BMPR1B: variants seen among roughly 807,000 people sequenced by gnomAD.
BMPR1B encodes the protein bone morphogenetic protein receptor type-1B.
BMPR1B carries 12 observed loss-of-function variants against 59.1 expected under a neutral mutation model. The ratio of observed to expected loss-of-function variants is 0.20; its 90% CI spans 0.13 to 0.33. The LOEUF is 0.33. BMPR1B is among the 10% of genes least tolerant of loss of function. BMPR1B has a pLI of 1.00. For missense variants in BMPR1B, 550 were observed against 610.9 expected, an observed-to-expected ratio of 0.90 and a Z score of 1.05; for synonymous variants, 237 against 207.3, an observed-to-expected ratio of 1.14 and a Z score of -1.23.
At position 95,125,029 on chromosome 4, in the gene BMPR1B, C is replaced by A; in HGVS notation, c.493C>A (p.Gln165Lys). 6.2e-7 allele frequency: 1 copy of A among 1,613,608 alleles called. No individual in the cohort carries two copies. Among genetic ancestry groups the A allele is most frequent in the Non-Finnish European group, 8.5e-7 (1 of 1,179,598 alleles). ...TRPRYSIGLE[Q>K]DETYIPPGES... The stretch of plus-strand genomic sequence containing the variant: ...ACCTCGATACAGCATTGGGTTAGAA[C>A]AGGATGAAACTTACATTCCTCCTGG... The change falls in exon 8 of 13, where the codon CAG (glutamine) becomes AAG (lysine). Residue 165 changes from glutamine (Q) to lysine (K), a missense_variant. Gln to Lys is a moderately conservative substitution (Grantham distance 53). This residue lies in a region of BMPR1B where 318 missense variants were observed against 284.6 expected (regional missense o/e 1.12). Coordinates refer to ENST00000515059, the MANE Select transcript of BMPR1B (RefSeq NM_001203.3).
At chr4:94,897,809 G>A (rs1001581117) in intron 2 of BMPR1B, among the ~76,000 whole-genome samples, 2 of 151,740 alleles carry the variant, frequency 1.3e-5, no homozygotes, top group African/African-American at 4.8e-5. Context: ...TGTTATGAGA[G>A]GAACATCTTA....
rs1287396190 is a variant in BMPR1B at position 95,154,886 on chromosome 4, G to T, written c.*213G>T. Reference sequence around the variant, plus strand: ...ATTGATCCATGTCTGTTTGTAGGACGGAGAAACCGCTTGGGTAACTTGTTC... The same window carrying T: ...ATTGATCCATGTCTGTTTGTAGGACTGAGAAACCGCTTGGGTAACTTGTTC... On this transcript the variant is annotated 3_prime_UTR_variant, in exon 13 of 13. Transcript: ENST00000515059. 4 of 596,592 alleles carry T rather than the reference G, an allele frequency of 6.7e-6. No individual in the cohort carries two copies. The highest frequency in any genetic ancestry group is 1.9e-5 in the African/African-American group (1 of 53,592). 37.0% of individuals were successfully genotyped at this position (596,592 alleles called of 1,614,324 possible).
intron 4 of BMPR1B, 51 bp from the exon 5 acceptor site, chr4:95,114,669 C>A: frequency 7.0e-7 from 1 of 1,438,044 alleles, no homozygotes; most frequent in Non-Finnish European, 9.8e-7. Flanking sequence ...CACACACACA[C>A]TGACTCACAC....
At chr4:94,971,923 G>C (rs532616364) in intron 2 of BMPR1B, among the ~76,000 whole-genome samples, 1 of 151,816 alleles carries the variant, frequency 6.6e-6, no homozygotes, top group East Asian at 1.9e-4. Flanking sequence ...TAAAAGTAAT[G>C]ATGAGCCTCT....
At chr4:95,075,455 T>G (rs1728632871) in intron 3 of BMPR1B, among the ~76,000 whole-genome samples, 1 of 152,212 alleles carries the variant, frequency 6.6e-6, no homozygotes, top group African/African-American at 2.4e-5. Flanking sequence ...GTATTAGTAG[T>G]ATGATGCTAA....
intron 3 of BMPR1B, among the ~76,000 whole-genome samples, chr4:95,000,690 G>A (rs1057165700): frequency 3.3e-5 from 5 of 152,042 alleles, no homozygotes; most frequent in Admixed American, 1.3e-4. Flanking sequence ...GTTCCTGTTA[G>A]CCAGTGAGGA....
At chr4:94,951,500 C>G (rs557966285) in intron 2 of BMPR1B, among the ~76,000 whole-genome samples, 1 of 152,056 alleles carries the variant, frequency 6.6e-6, no homozygotes, top group East Asian at 1.9e-4. Context: ...TGAATTTAAT[C>G]GAAGGCCTTT....
At chr4:94,993,371 C>T (rs1721866014) in intron 2 of BMPR1B, among the ~76,000 whole-genome samples, 2 of 152,068 alleles carry the variant, frequency 1.3e-5, no homozygotes, top group South Asian at 4.2e-4. Flanking sequence ...AAAAGCACAC[C>T]CTTATCCATC....
chr4:94,975,275 G>A (rs985963992), intron 2 of BMPR1B, among the ~76,000 whole-genome samples: 20 of 151,410 alleles, frequency 1.3e-4, no homozygotes, highest in African/African-American at 4.6e-4. Flanking sequence ...AGAGATTGAG[G>A]TTTTTGTCTG....
intron 7 of BMPR1B, among the ~76,000 whole-genome samples, chr4:95,124,124 C>T (rs1732733328): frequency 6.6e-6 from 1 of 151,906 alleles, no homozygotes; most frequent in Admixed American, 6.6e-5. Flanking sequence ...TCAAAACTAC[C>T]CATATAAATA....
At chr4:94,796,391 A>G (rs761113802) in intron 1 of BMPR1B, among the ~76,000 whole-genome samples, 1 of 152,224 alleles carries the variant, frequency 6.6e-6, no homozygotes, top group African/African-American at 2.4e-5. Context: ...TTGTAAAATC[A>G]CAGAGTTGTG....
intron 1 of BMPR1B, among the ~76,000 whole-genome samples, chr4:94,794,974 A>G (rs1351933800): frequency 1.4e-5 from 2 of 146,928 alleles, no homozygotes; most frequent in African/African-American, 2.6e-5. Flanking sequence ...AAGAGGGACA[A>G]TTTGACTTCC....
intron 3 of BMPR1B, among the ~76,000 whole-genome samples, chr4:95,059,400 T>C (rs1314982004): frequency 6.6e-6 from 1 of 152,266 alleles, no homozygotes; most frequent in East Asian, 1.9e-4. Context: ...CTTAATTTCC[T>C]GTGCCCCGAG....
chr4:94,831,404 T>A (rs1724584668), intron 1 of BMPR1B, among the ~76,000 whole-genome samples: 1 of 152,106 alleles, frequency 6.6e-6, no homozygotes, highest in Non-Finnish European at 1.5e-5. Flanking sequence ...TAAGGTTAAT[T>A]ATTAAAGAAA....
At position 95,125,025 on chromosome 4, in the gene BMPR1B, A is replaced by G. The variant is rs1732802523; in HGVS notation, c.489A>G (p.Leu163=). 1 of 1,613,526 alleles carries G rather than the reference A, an allele frequency of 6.2e-7. No homozygotes were observed. Among genetic ancestry groups the G allele is most frequent in the Non-Finnish European group, 8.5e-7 (1 of 1,179,586 alleles). The change falls in exon 8 of 13, where the codon TTA becomes TTG. Residue 163 remains leucine (L), a synonymous_variant. Transcript: ENST00000515059. ...QETRPRYSIG[L]EQDETYIPPG... The stretch of plus-strand genomic sequence containing the variant: ...CCAGACCTCGATACAGCATTGGGTT[A>G]GAACAGGATGAAACTTACATTCCTC...
intron 2 of BMPR1B, among the ~76,000 whole-genome samples, chr4:94,966,630 C>A (rs998133595): frequency 6.6e-6 from 1 of 152,166 alleles, no homozygotes; most frequent in African/African-American, 2.4e-5. Flanking sequence ...ACTCTATACT[C>A]AACTCTGTGG....
intron 1 of BMPR1B, among the ~76,000 whole-genome samples, chr4:94,765,450 G>A (rs1298332236): frequency 1.3e-5 from 2 of 152,016 alleles, no homozygotes; most frequent in Admixed American, 6.6e-5. Flanking sequence ...GTTATATTTC[G>A]TAGACTATTT....
At chr4:95,057,473 T>C (rs1320867032) in intron 3 of BMPR1B, among the ~76,000 whole-genome samples, 2 of 152,014 alleles carry the variant, frequency 1.3e-5, no homozygotes, top group African/African-American at 4.8e-5. Flanking sequence ...TCTCAATCTC[T>C]TGATCTTGTG....
intron 2 of BMPR1B, among the ~76,000 whole-genome samples, chr4:94,987,337 T>G (rs1036262612): frequency 6.6e-6 from 1 of 150,540 alleles, no homozygotes; most frequent in Non-Finnish European, 1.5e-5. Context: ...GAAAGTGTAT[T>G]TATCATGGAG....
Sources: gnomAD v4.1 joint callset for allele counts (sites outside exome capture counted in the v4.1 genomes callset) on GRCh38, gnomAD v4.1.1 for gene constraint, gnomAD v4.1.1 regional missense constraint, MANE v1.5 for transcripts, NCBI Gene and HGNC (gene_info 2026-07-23, HGNC 2026-07-21) for gene names.